The following CCDC85C variants were observed in gnomAD, a reference collection of about 807,000 sequenced individuals.
CCDC85C encodes the protein coiled-coil domain-containing protein 85C.
A neutral mutation model predicts 38.3 loss-of-function variants in CCDC85C; 18 were observed. That is an observed-to-expected ratio of 0.47 (90% CI 0.33 to 0.70). CCDC85C has a LOEUF of 0.70. Ranked by LOEUF, CCDC85C falls within the 30% of genes least tolerant of loss-of-function variation. The pLI is 0.03. For missense variants in CCDC85C, 566 were observed against 621.2 expected (o/e 0.91, Z 0.94); for synonymous variants, 264 against 293.8 (o/e 0.90, Z 1.04).
intron 1 of CCDC85C, among the ~76,000 whole-genome samples, chr14:99,550,003 A>G (rs549405573): frequency 3.9e-5 from 6 of 152,378 alleles, no homozygotes; most frequent in African/African-American, 1.4e-4. Context: ...CAGGAGTCCC[A>G]GCCCTGGCAG....
At chr14:99,571,533 G>A (rs992708379) in intron 1 of CCDC85C, among the ~76,000 whole-genome samples, 16 of 152,202 alleles carry the variant, frequency 1.1e-4, no homozygotes, top group African/African-American at 3.9e-4. Flanking sequence ...GGGCTACCCT[G>A]ACGGGGAGGT....
In CCDC85C at chr14:99,577,171, C is replaced by G. The variant is rs76992415; in HGVS notation, c.793+25996G>C. ...AGTCGGCATCTTACTCCTCACTCCC[C>G]CTTCCCAGGCAGCCCTGCCCACGGT... On this transcript the variant is annotated intron_variant, in intron 1 of 5. Coordinates refer to ENST00000380243, the MANE Select transcript of CCDC85C (RefSeq NM_001144995.2). Among the ~76,000 whole-genome samples the G allele has an allele frequency of 6.6e-5, 10 of 152,110 alleles. No homozygotes were observed. The East Asian group carries it at 1.6e-3, about 24-fold the overall frequency.
intron 1 of CCDC85C, among the ~76,000 whole-genome samples, chr14:99,585,300 G>GA (rs2055014562): frequency 1.3e-5 from 2 of 152,312 alleles, no homozygotes; most frequent in East Asian, 3.9e-4. Flanking sequence ...TTGGGAAGAA[G>GA]AAAAAGTTAC....
chr14:99,570,743 G>A lies in CCDC85C; in HGVS notation c.793+32424C>T, dbSNP rs186901354. 4.9e-4 allele frequency among the ~76,000 whole-genome samples: 74 copies of A among 152,304 alleles called. 2 individuals carry two copies. The East Asian group carries it at 0.013, about 27-fold the overall frequency. The stretch of plus-strand genomic sequence containing the variant: ...CCGGCCCCTGAGCAGAACAGAAAGT[G>A]TGGAGCTCACAGGCACGTGCAGCTT... On this transcript the variant is annotated intron_variant, in intron 1 of 5. Transcript: ENST00000380243.
rs544430667 is a variant in CCDC85C at position 99,546,062 on chromosome 14, G to A, written c.794-9974C>T. 4.2e-3 allele frequency among the ~76,000 whole-genome samples: 641 copies of A among 152,172 alleles called. 6 individuals are homozygous for A. Among genetic ancestry groups the A allele is most frequent in the African/African-American group, 0.014 (590 of 41,522 alleles). ...GCGCAGGACTGAAGTCTGCATGGGGGGGGGGAATAAACAACCCTTACCGAG... is the reference window on the plus strand; with the variant it reads ...GCGCAGGACTGAAGTCTGCATGGGGAGGGGGAATAAACAACCCTTACCGAG... On this transcript the variant is annotated intron_variant, in intron 1 of 5. Transcript: ENST00000380243.
intron 1 of CCDC85C, chr14:99,573,005 C>T (rs979906880): frequency 8.3e-6 from 3 of 363,276 alleles, no homozygotes; most frequent in Admixed American, 3.6e-5. Flanking sequence ...CCCTGGTGAC[C>T]GCAGGAGACG....
chr14:99,513,035 G>C lies in CCDC85C; in HGVS notation c.*2211C>G, dbSNP rs1325831967. The stretch of plus-strand genomic sequence containing the variant: ...CCAGCTTTGTGCTGCCTCCGTAACA[G>C]CAGGAGGGTTCTCAAAGCAATGTTC... On this transcript the variant is annotated 3_prime_UTR_variant, in exon 6 of 6. Coordinates refer to ENST00000380243, the MANE Select transcript of CCDC85C (RefSeq NM_001144995.2). The C allele has an allele frequency of 3.3e-5, 5 of 152,260 alleles. No individual in the cohort carries two copies. Among genetic ancestry groups the C allele is most frequent in the Non-Finnish European group, 1.5e-5 (1 of 68,054 alleles). The allele number at this position is 152,260 out of a possible 1,614,324, so 9.4% of individuals were successfully genotyped here.
At chr14:99,598,249 G>A (rs1387404001) in intron 1 of CCDC85C, among the ~76,000 whole-genome samples, 1 of 152,238 alleles carries the variant, frequency 6.6e-6, no homozygotes, top group African/African-American at 2.4e-5. Context: ...GGCCCATGGA[G>A]GCTCAGGAAC....
intron 1 of CCDC85C, among the ~76,000 whole-genome samples, chr14:99,550,837 G>A (rs1314140852): frequency 6.6e-6 from 1 of 152,176 alleles, no homozygotes; most frequent in East Asian, 1.9e-4. Context: ...AGCTGACCAT[G>A]GGGACAGCGG....
In CCDC85C at chr14:99,520,157, A is replaced by G. The variant is rs892934611; in HGVS notation, c.975+1976T>C. ...CCAGGGACTCTCCAGCATGCCCTCA[A>G]TGTGCCCATGACCCACAGGTAGCCT... On this transcript the variant is annotated intron_variant, in intron 3 of 5. Transcript: ENST00000380243. The surrounding 1 kb of genome is among the most constrained non-coding windows in gnomAD (Gnocchi z 4.1). 6.6e-6 allele frequency among the ~76,000 whole-genome samples: 1 copy of G among 152,122 alleles called. No individual in the cohort carries two copies. Among genetic ancestry groups the G allele is most frequent in the African/African-American group, 2.4e-5 (1 of 41,418 alleles).
chr14:99,580,260 A>G (rs2054952295), intron 1 of CCDC85C: 1 of 394,772 alleles, frequency 2.5e-6, no homozygotes, highest in African/African-American at 2.1e-5. Flanking sequence ...TGGGTGACAG[A>G]CCAGCTAAGA....
chr14:99,581,761 C>G (rs1323890413), intron 1 of CCDC85C, among the ~76,000 whole-genome samples: 1 of 152,220 alleles, frequency 6.6e-6, no homozygotes, highest in African/African-American at 2.4e-5. Context: ...GGCTGACGAC[C>G]CTTTGTAAAT....
chr14:99,549,006 G>A (rs1468589885), intron 1 of CCDC85C, among the ~76,000 whole-genome samples: 6 of 152,126 alleles, frequency 3.9e-5, no homozygotes, highest in Admixed American at 6.6e-5. Flanking sequence ...GCTGAGCTCC[G>A]ATTCTGGGCC....
intron 1 of CCDC85C, among the ~76,000 whole-genome samples, chr14:99,564,070 G>A (rs562232543): frequency 3.0e-4 from 45 of 152,360 alleles, no homozygotes; most frequent in South Asian, 4.1e-4. Flanking sequence ...CTGGTTGAAG[G>A]GGACTTGCCT....
intron 1 of CCDC85C, among the ~76,000 whole-genome samples, chr14:99,561,520 A>G (rs1207875166): frequency 6.6e-6 from 1 of 152,204 alleles, no homozygotes; most frequent in Non-Finnish European, 1.5e-5. Context: ...CCCCACTGGA[A>G]AATCAGGTCA....
chr14:99,598,396 G>A (rs1449614936), intron 1 of CCDC85C, among the ~76,000 whole-genome samples: 1 of 152,224 alleles, frequency 6.6e-6, no homozygotes, highest in African/African-American at 2.4e-5. Flanking sequence ...GAACTCAGAG[G>A]CCAGGCCTGA....
intron 1 of CCDC85C, among the ~76,000 whole-genome samples, chr14:99,570,800 C>T (rs973936968): frequency 2.0e-5 from 3 of 152,168 alleles, no homozygotes; most frequent in Non-Finnish European, 4.4e-5. Flanking sequence ...CAGACCTACA[C>T]ACAAACGGTG....
At chr14:99,574,637 C>T (rs181612299) in intron 1 of CCDC85C, among the ~76,000 whole-genome samples, 16 of 152,274 alleles carry the variant, frequency 1.1e-4, no homozygotes, top group Non-Finnish European at 1.5e-4. Flanking sequence ...AAGGGGAGAG[C>T]GGAGAGGAGA....
In CCDC85C at chr14:99,502,351, A is replaced by G. The variant is rs1172577685; in HGVS notation, c.*12895T>C. 5 of 1,613,782 alleles carry G rather than the reference A, an allele frequency of 3.1e-6. No homozygotes were observed. The highest frequency in any genetic ancestry group is 3.3e-5 in the Admixed American group (2 of 59,984). On this transcript the variant is annotated 3_prime_UTR_variant, in exon 6 of 6. Transcript: ENST00000380243. ...GGAGATGGTGGGAGCAGTTTGTTCA[A>G]GATGTCCCGGTCGACGTTTTGGAAG...
Sources: gnomAD v4.1 joint callset for allele counts (sites outside exome capture counted in the v4.1 genomes callset) on GRCh38, gnomAD v4.1.1 for gene constraint, Gnocchi (gnomAD v3.1) non-coding constraint, MANE v1.5 for transcripts, NCBI Gene and HGNC (gene_info 2026-07-23, HGNC 2026-07-21) for gene names.